PDE4D: variants seen among roughly 807,000 people sequenced by gnomAD.
The protein encoded by PDE4D is phosphodiesterase 4D, also known as 3',5'-cyclic-AMP phosphodiesterase 4D.
In PDE4D, 24 loss-of-function variants were observed where a neutral mutation model predicts 87.4. The observed-to-expected ratio is 0.27, with a 90% CI of 0.20 to 0.39. PDE4D has a LOEUF of 0.39. Ranked by LOEUF, PDE4D falls within the 10% of genes least tolerant of loss-of-function variation. The pLI, the probability that PDE4D is intolerant of heterozygous loss-of-function variation, is 1.00. For missense variants in PDE4D, 714 were observed against 1,041.0 expected (o/e 0.69, Z 4.32); for synonymous variants, 384 against 383.2 (o/e 1.00, Z -0.02).
At position 58,972,531 on chromosome 5, in the gene PDE4D, C is replaced by T. The variant is rs1742796101; in HGVS notation, c.*2133G>A. ...GGCTGATGACTTACTTTCCAGTCCC[C>T]AGGAGGCTCCTTGAGAAGTTCCACA... On this transcript the variant is annotated 3_prime_UTR_variant, in exon 15 of 15. Transcript: ENST00000340635. 6.6e-6 allele frequency: 1 copy of T among 152,188 alleles called. No homozygotes were observed. Among genetic ancestry groups the T allele is most frequent in the Admixed American group, 6.6e-5 (1 of 15,262 alleles). The allele number at this position is 152,188 out of a possible 1,614,324, so 9.4% of individuals were successfully genotyped here.
chr5:60,455,441 A>T (rs1746397399), intron 1 of PDE4D, among the ~76,000 whole-genome samples: 1 of 152,140 alleles, frequency 6.6e-6, no homozygotes, highest in Non-Finnish European at 1.5e-5. Flanking sequence ...AATGACATAA[A>T]TCATTTTCCT....
At chr5:59,712,851 C>G (rs1222126106) in intron 1 of PDE4D, among the ~76,000 whole-genome samples, 1 of 152,060 alleles carries the variant, frequency 6.6e-6, no homozygotes, top group Non-Finnish European at 1.5e-5. Flanking sequence ...TCATATCTCA[C>G]ATTTAAAGTT....
intron 1 of PDE4D, among the ~76,000 whole-genome samples, chr5:60,419,026 C>T (rs1466985631): frequency 6.6e-6 from 1 of 152,084 alleles, no homozygotes; most frequent in East Asian, 1.9e-4. Flanking sequence ...AGCATTCCTC[C>T]CATACATTTT....
intron 9 of PDE4D, 58 bp from the exon 10 acceptor site, chr5:58,989,977 G>C: frequency 3.9e-6 from 4 of 1,034,564 alleles, no homozygotes; most frequent in Non-Finnish European, 5.4e-6. Context: ...TTTCTCCATA[G>C]AGTATGTTTA....
At chr5:59,535,838 T>C (rs1412212179) in intron 1 of PDE4D, among the ~76,000 whole-genome samples, 2 of 152,222 alleles carry the variant, frequency 1.3e-5, no homozygotes, top group African/African-American at 4.8e-5. Flanking sequence ...TAATTTTTCT[T>C]CCAGGAAGTT....
intron 3 of PDE4D, among the ~76,000 whole-genome samples, chr5:59,929,760 A>C (rs1755688680): frequency 6.6e-6 from 1 of 152,026 alleles, no homozygotes; most frequent in Non-Finnish European, 1.5e-5. Flanking sequence ...AGTAGACCTG[A>C]CTCTAGGCTT....
intron 5 of PDE4D, among the ~76,000 whole-genome samples, chr5:59,070,122 G>A (rs1403146140): frequency 6.6e-6 from 1 of 152,170 alleles, no homozygotes; most frequent in Non-Finnish European, 1.5e-5. Flanking sequence ...GCTTGAGAGT[G>A]ATGTTACATG....
At chr5:59,619,060 T>C (rs950424398) in intron 1 of PDE4D, among the ~76,000 whole-genome samples, 19 of 152,342 alleles carry the variant, frequency 1.2e-4, no homozygotes, top group African/African-American at 4.6e-4. Flanking sequence ...GTAATACCCA[T>C]GTATATAAAA....
In PDE4D at chr5:59,115,315, C is replaced by A. The variant is rs961854098; in HGVS notation, c.808+65280G>T. Reference sequence around the variant, plus strand: ...TCAGTGTTTCCAAAGATGGGTTGAGCTTATTGCCCCTTTCAAAAAGGCCCC... The same window carrying A: ...TCAGTGTTTCCAAAGATGGGTTGAGATTATTGCCCCTTTCAAAAAGGCCCC... On this transcript the variant is annotated intron_variant, in intron 5 of 14. Transcript: ENST00000340635. 8.5e-5 allele frequency among the ~76,000 whole-genome samples: 13 copies of A among 152,246 alleles called. No individual in the cohort carries two copies. The South Asian group carries it at 1.5e-3, about 17-fold the overall frequency.
At chr5:60,165,650 CTTTCTA>C (rs1337213840) in intron 2 of PDE4D, among the ~76,000 whole-genome samples, 1 of 150,624 alleles carries the variant, frequency 6.6e-6, no homozygotes, top group African/African-American at 2.4e-5. Flanking sequence ...CATGAAATAT[CTTTCTA>C]TTTATTTGTG....
chr5:59,574,128 T>A (rs796644075), intron 1 of PDE4D, among the ~76,000 whole-genome samples: 137 of 3,804 alleles, frequency 0.036, 3 homozygotes, highest in African/African-American at 0.086. Context: ...AAATATATAT[T>A]TATATATATA....
intron 3 of PDE4D, among the ~76,000 whole-genome samples, chr5:59,962,921 A>G (rs772735608): frequency 2.2e-4 from 34 of 152,164 alleles, no homozygotes; most frequent in African/African-American, 7.5e-4. Context: ...GGAATTCCAT[A>G]TCTGAACCAG....
At chr5:59,025,415 GC>G (rs1193017871) in intron 6 of PDE4D, among the ~76,000 whole-genome samples, 2 of 152,274 alleles carry the variant, frequency 1.3e-5, no homozygotes, top group East Asian at 3.9e-4. Context: ...AATAATAAAT[GC>G]ACTTTTCTTT....
At chr5:59,974,204 T>C (rs1453917278) in intron 3 of PDE4D, among the ~76,000 whole-genome samples, 1 of 152,174 alleles carries the variant, frequency 6.6e-6, no homozygotes, top group Non-Finnish European at 1.5e-5. Flanking sequence ...GGAATAATGC[T>C]TGAATGCCAG....
At chr5:60,462,814 G>T (rs1175214719) in intron 1 of PDE4D, among the ~76,000 whole-genome samples, 1 of 152,150 alleles carries the variant, frequency 6.6e-6, no homozygotes, top group Non-Finnish European at 1.5e-5. Context: ...CCCTCATTGG[G>T]TTCTTTTCCT....
chr5:59,914,622 A>G (rs578048927), intron 3 of PDE4D, among the ~76,000 whole-genome samples: 19 of 150,024 alleles, frequency 1.3e-4, no homozygotes, highest in African/African-American at 4.4e-4. Flanking sequence ...ACTTTGATTC[A>G]GAATGAGATG....
intron 1 of PDE4D, among the ~76,000 whole-genome samples, chr5:59,890,432 T>C (rs1750797634): frequency 6.6e-6 from 1 of 152,242 alleles, no homozygotes; most frequent in Non-Finnish European, 1.5e-5. Flanking sequence ...TTGCCTCTGT[T>C]GTGATCATTA....
intron 1 of PDE4D, among the ~76,000 whole-genome samples, chr5:59,525,164 G>C (rs1007039524): frequency 3.9e-5 from 6 of 152,204 alleles, no homozygotes; most frequent in African/African-American, 1.4e-4. Context: ...TGGAAAAGCT[G>C]CAGACACTCA....
At chr5:60,136,938 T>G (rs975897959) in intron 2 of PDE4D, among the ~76,000 whole-genome samples, 3 of 152,082 alleles carry the variant, frequency 2.0e-5, no homozygotes, top group African/African-American at 7.2e-5. Flanking sequence ...CCATTGGCTA[T>G]TCTCTTGATC....
Sources: allele counts gnomAD v4.1 joint callset (sites outside exome capture counted in the v4.1 genomes callset), GRCh38; gene constraint gnomAD v4.1.1; transcripts MANE v1.5; gene names NCBI Gene and HGNC (gene_info 2026-07-23, HGNC 2026-07-21).